The following RPTOR variants were observed in gnomAD, a reference collection of about 807,000 sequenced individuals.
RPTOR encodes regulatory-associated protein of mTOR.
In RPTOR, 21 loss-of-function variants were observed where a neutral mutation model predicts 169.9. The observed-to-expected ratio is 0.12, with a 90% CI of 0.09 to 0.18. The LOEUF is 0.18. RPTOR is among the 10% of genes least tolerant of loss of function. The pLI is 1.00. For synonymous variants in RPTOR, 732 were observed against 753.2 expected (o/e 0.97, Z 0.46); for missense variants, 1,133 against 1,855.9 (o/e 0.61, Z 7.16).
At chr17:80,644,456 CTGGTT>C (rs1343718310) in intron 3 of RPTOR, among the ~76,000 whole-genome samples, 2 of 151,948 alleles carry the variant, frequency 1.3e-5, no homozygotes, top group African/African-American at 2.4e-5. Flanking sequence ...TTCTTATTAA[CTGGTT>C]TGGAGATTTA....
Position 80,651,886 on chromosome 17 carries a change from T to G in RPTOR, c.348+8076T>G, listed in dbSNP as rs1324143726. ...CGGGCGCAGTGGCAGGTGCCTACTG[T>G]AGTCCCAGTTACTCAGGAGGCTGAG... On this transcript the variant is annotated intron_variant, in intron 3 of 33. Transcript: ENST00000306801. The surrounding 1 kb of genome is among the most constrained non-coding windows in gnomAD (Gnocchi z 4.1). 1.3e-5 allele frequency among the ~76,000 whole-genome samples: 2 copies of G among 152,160 alleles called. No individual in the cohort carries two copies. Among genetic ancestry groups the G allele is most frequent in the Non-Finnish European group, 2.9e-5 (2 of 68,032 alleles).
chr17:80,907,336 T>TG (rs2068556344), intron 20 of RPTOR, among the ~76,000 whole-genome samples: 2 of 152,388 alleles, frequency 1.3e-5, no homozygotes, highest in Admixed American at 1.3e-4. Context: ...CTCCCAGCAC[T>TG]GAGGGCAGGG....
intron 14 of RPTOR, among the ~76,000 whole-genome samples, chr17:80,880,872 T>C (rs772684279): frequency 7.9e-5 from 12 of 152,040 alleles, no homozygotes; most frequent in Non-Finnish European, 1.5e-4. Context: ...CCTGGGAAGG[T>C]CTTGGAGCAC....
chr17:80,561,329 T>C (rs1032006002), intron 1 of RPTOR, among the ~76,000 whole-genome samples: 22 of 151,214 alleles, frequency 1.5e-4, no homozygotes, highest in African/African-American at 4.9e-4. Flanking sequence ...CAGGCTGGTC[T>C]CAAACTCCTG....
At chr17:80,579,738 A>G (rs561708011) in intron 1 of RPTOR, among the ~76,000 whole-genome samples, 34 of 152,218 alleles carry the variant, frequency 2.2e-4, no homozygotes, top group Non-Finnish European at 4.4e-4. Context: ...TAAATGAAAA[A>G]GTTCAACCTT....
intron 28 of RPTOR, 40 bp downstream of exon 28, chr17:80,949,587 C>G (rs371796297): frequency 3.9e-6 from 6 of 1,553,884 alleles, no homozygotes; most frequent in African/African-American, 1.4e-5. Context: ...GAATGTGTTC[C>G]CGGGGCTGCG....
chr17:80,893,442 A>AGGGTGTGTGTG (rs1567972675), intron 19 of RPTOR, among the ~76,000 whole-genome samples: 19 of 122,778 alleles, frequency 1.5e-4, no homozygotes, highest in African/African-American at 6.0e-4. Flanking sequence ...GGGTGTGTGT[A>AGGGTGTGTGTG]CTGGGTGTGT....
chr17:80,874,569 G>A (rs1354104799), intron 13 of RPTOR, among the ~76,000 whole-genome samples: 2 of 152,166 alleles, frequency 1.3e-5, no homozygotes, highest in East Asian at 3.8e-4. Context: ...CACTGTGCCT[G>A]GGGGTGAAGG....
At chr17:80,897,307 C>A (rs564603344) in intron 20 of RPTOR, among the ~76,000 whole-genome samples, 33 of 151,974 alleles carry the variant, frequency 2.2e-4, no homozygotes, top group African/African-American at 7.7e-4. Context: ...GTAAACGAAA[C>A]CTTTCTAACC....
intron 13 of RPTOR, among the ~76,000 whole-genome samples, chr17:80,875,042 A>G (rs1227304894): frequency 6.6e-6 from 1 of 152,174 alleles, no homozygotes; most frequent in African/African-American, 2.4e-5. Flanking sequence ...TTGGCTCATC[A>G]TCCTGCCTCC....
chr17:80,646,883 G>A lies in RPTOR; in HGVS notation c.348+3073G>A, dbSNP rs138875001. On this transcript the variant is annotated intron_variant, in intron 3 of 33. Coordinates refer to ENST00000306801, the MANE Select transcript of RPTOR (RefSeq NM_020761.3). This position sits in a 1 kb window ranked among gnomAD's most constrained non-coding sequence, Gnocchi z 5.0. ...GCTGGCATGGATGGGAGCAGAGTAG[G>A]AAATGCCTGTTTTCTCAACGGTAGC... Among the ~76,000 whole-genome samples, 1 of 152,286 alleles carries A rather than the reference G, an allele frequency of 6.6e-6. No homozygotes were observed. The highest frequency in any genetic ancestry group is 2.4e-5 in the African/African-American group (1 of 41,558).
At chr17:80,687,362 G>A (rs1478470576) in intron 3 of RPTOR, among the ~76,000 whole-genome samples, 1 of 152,228 alleles carries the variant, frequency 6.6e-6, no homozygotes, top group African/African-American at 2.4e-5. Flanking sequence ...GTCCCACTCA[G>A]CCCATGTTTG....
intron 8 of RPTOR, among the ~76,000 whole-genome samples, chr17:80,822,860 T>G (rs981823508): frequency 6.6e-6 from 1 of 152,228 alleles, no homozygotes; most frequent in South Asian, 2.1e-4. Context: ...TGCACACACA[T>G]GTATGTATGC....
At chr17:80,924,617 C>T (rs1329961671) in intron 23 of RPTOR, among the ~76,000 whole-genome samples, 3 of 151,908 alleles carry the variant, frequency 2.0e-5, no homozygotes, top group African/African-American at 7.3e-5. Flanking sequence ...CCTGGCCAGG[C>T]CCTGGGGAGC....
At chr17:80,810,226 T>C (rs1224703526) in intron 7 of RPTOR, among the ~76,000 whole-genome samples, 1 of 152,192 alleles carries the variant, frequency 6.6e-6, no homozygotes, top group African/African-American at 2.4e-5. Context: ...GAAGATTTTC[T>C]ATTTTTTTCT....
intron 8 of RPTOR, 104 bp from the exon 9 acceptor site, chr17:80,822,975 G>T: frequency 7.7e-7 from 1 of 1,306,612 alleles, no homozygotes; most frequent in Non-Finnish European, 1.1e-6. Context: ...ATGCATATTA[G>T]TCCCAACTTT....
At chr17:80,887,035 T>G (rs1014466336) in intron 17 of RPTOR, among the ~76,000 whole-genome samples, 1 of 152,022 alleles carries the variant, frequency 6.6e-6, no homozygotes, top group Non-Finnish European at 1.5e-5. Flanking sequence ...GGGGCAGCTC[T>G]TACCTGGTTA....
At chr17:80,644,519 T>C (rs1567836583) in intron 3 of RPTOR, among the ~76,000 whole-genome samples, 1 of 152,176 alleles carries the variant, frequency 6.6e-6, no homozygotes, top group Non-Finnish European at 1.5e-5. Flanking sequence ...GGAAGTGCCC[T>C]ATATTCAGCT....
At chr17:80,854,752 G>T (rs1414766894) in intron 11 of RPTOR, among the ~76,000 whole-genome samples, 31 of 152,192 alleles carry the variant, frequency 2.0e-4, no homozygotes, top group African/African-American at 6.8e-4. Flanking sequence ...AAATTAACCA[G>T]GCATGGTGGT....
Sources: gnomAD v4.1 joint callset for allele counts (sites outside exome capture counted in the v4.1 genomes callset) on GRCh38, gnomAD v4.1.1 for gene constraint, Gnocchi (gnomAD v3.1) non-coding constraint, MANE v1.5 for transcripts, NCBI Gene and HGNC (gene_info 2026-07-23, HGNC 2026-07-21) for gene names.